FBLN1: variants seen among roughly 807,000 people sequenced by gnomAD.
FBLN1 encodes fibulin 1, also known as fibulin-1.
FBLN1 carries 34 observed loss-of-function variants against 89.7 expected under a neutral mutation model. The observed-to-expected ratio is 0.38, with a 90% CI of 0.29 to 0.50. FBLN1 has a LOEUF of 0.50. FBLN1 is among the 20% of genes least tolerant of loss of function. FBLN1 has a pLI of 0.92. For missense variants in FBLN1, 777 were observed against 988.1 expected (o/e 0.79, Z 2.86); for synonymous variants, 393 against 391.3 (o/e 1.00, Z -0.05).
At chr22:45,524,366 G>T (rs987384445) in intron 2 of FBLN1, among the ~76,000 whole-genome samples, 1 of 152,194 alleles carries the variant, frequency 6.6e-6, no homozygotes, top group Non-Finnish European at 1.5e-5. Context: ...ATTGCCTTTG[G>T]AGCCCGCCCA....
rs1458721804 is a variant in FBLN1, at chr22:45,600,439, G to A, written c.2105G>A (p.Trp702Ter). 2 of 1,614,028 alleles carry A rather than the reference G, an allele frequency of 1.2e-6. No individual in the cohort carries two copies. Among genetic ancestry groups the A allele is most frequent in the East Asian group, 2.2e-5 (1 of 44,896 alleles). ...GTCCACATCTTCGTCTCTGAGTACTGGTTCTGAGGGCTGGTCTGCCGCACA... is the reference window on the plus strand; with the variant it reads ...GTCCACATCTTCGTCTCTGAGTACTAGTTCTGAGGGCTGGTCTGCCGCACA... ...VNVHIFVSEY[W>*]F Residue 702 changes from tryptophan (W) to a stop codon, truncating the protein, a stop_gained, in exon 17 of 17, where the codon TGG (tryptophan) becomes TAG (stop). Transcript: ENST00000327858. LOFTEE classifies it high-confidence loss of function.
Position 45,562,646 on chromosome 22 carries a change from C to T in FBLN1, c.1698-11865C>T, listed in dbSNP as rs866254079. 3.3e-5 allele frequency among the ~76,000 whole-genome samples: 5 copies of T among 152,202 alleles called. No individual in the cohort carries two copies. Among genetic ancestry groups the T allele is most frequent in the African/African-American group, 9.6e-5 (4 of 41,458 alleles). ...TGGGGCTCTGCCAGTGAGCAGGGGA[C>T]GCACCTCACTCCGGGCACAGCCTTT... is the stretch of plus-strand genomic sequence containing the variant. On this transcript the variant is annotated intron_variant, in intron 14 of 16. Coordinates refer to ENST00000327858, the MANE Select transcript of FBLN1 (RefSeq NM_006486.3). The surrounding 1 kb of genome is among the most constrained non-coding windows in gnomAD (Gnocchi z 7.8).
At chr22:45,525,763 T>C (rs544700253) in intron 3 of FBLN1, 85 bp downstream of exon 3, 2 of 1,521,758 alleles carry the variant, frequency 1.3e-6, no homozygotes, top group African/African-American at 1.4e-5. Context: ...GCACTGTCTG[T>C]CAGCGCTCCC....
In FBLN1 at chr22:45,561,471, G is replaced by A. The variant is rs991555559; in HGVS notation, c.1697+10856G>A. Among the ~76,000 whole-genome samples, 2 of 152,194 alleles carry A rather than the reference G, an allele frequency of 1.3e-5. No individual in the cohort carries two copies. Among genetic ancestry groups the A allele is most frequent in the East Asian group, 1.9e-4 (1 of 5,196 alleles). ...GAGTCACTAAACTTGCCTCATGAGC[G>A]ATGAATCAGGAGTTTCAAATGCGTT... On this transcript the variant is annotated intron_variant, in intron 14 of 16. Coordinates refer to ENST00000327858, the MANE Select transcript of FBLN1 (RefSeq NM_006486.3). The surrounding 1 kb of genome is among the most constrained non-coding windows in gnomAD (Gnocchi z 4.7).
rs762644952 is a variant in FBLN1 at position 45,577,102 on chromosome 22, A to G, written c.1966A>G (p.Thr656Ala). Residue 656 changes from threonine to alanine, a missense_variant, in exon 16 of 17, where the codon ACC (threonine) becomes GCC (alanine). By Grantham distance (58) the Thr-to-Ala change is moderately conservative. Coordinates refer to ENST00000327858, the MANE Select transcript of FBLN1 (RefSeq NM_006486.3). This position sits in a 1 kb window ranked among gnomAD's most constrained non-coding sequence, Gnocchi z 6.6. Reference protein sequence around the residue: ...DIIKRYMDGMTVGVVRQVRPI... With the variant: ...DIIKRYMDGMAVGVVRQVRPI... ...CATCAAGCGTTACATGGACGGCATG[A>G]CCGTGGGTGAGTGGCTGGGAATATC... 5 of 1,613,876 alleles carry G rather than the reference A, an allele frequency of 3.1e-6. No homozygotes were observed. In the South Asian group the frequency reaches 4.4e-5, roughly 14 times the overall value.
At chr22:45,514,390 G>A (rs1277672232) in intron 1 of FBLN1, among the ~76,000 whole-genome samples, 1 of 152,202 alleles carries the variant, frequency 6.6e-6, no homozygotes, top group East Asian at 1.9e-4. Flanking sequence ...TTCCTCTAAT[G>A]GGTGGGAGGT....
Position 45,600,666 on chromosome 22 carries a change from T to C in FBLN1, c.*220T>C, listed in dbSNP as rs1920925763. ...TTGCTCAACTGTTTGGTTGAAAACC[T>C]TGCTCATTTTTTAATGCGAAGGCTA... On this transcript the variant is annotated 3_prime_UTR_variant, in exon 17 of 17. Transcript: ENST00000327858. 1.7e-6 allele frequency: 1 copy of C among 605,044 alleles called. No individual in the cohort carries two copies. Among genetic ancestry groups the C allele is most frequent in the East Asian group, 3.0e-5 (1 of 33,710 alleles). The allele number at this position is 605,044 out of a possible 1,614,324, so 37.5% of individuals were successfully genotyped here.
intron 6 of FBLN1, 21 bp from the exon 7 acceptor site, chr22:45,533,740 C>T: frequency 6.2e-7 from 1 of 1,608,710 alleles, no homozygotes; most frequent in South Asian, 1.1e-5. Flanking sequence ...GTCACCCCCG[C>T]ACTGCCTCGG....
chr22:45,592,030 G>C (rs1042713854), intron 16 of FBLN1, among the ~76,000 whole-genome samples: 1 of 151,880 alleles, frequency 6.6e-6, no homozygotes, highest in African/African-American at 2.4e-5. Context: ...CAGACAGGAG[G>C]AAGGAGATGT....
At chr22:45,566,390 G>C (rs893236378) in intron 14 of FBLN1, among the ~76,000 whole-genome samples, 1 of 152,212 alleles carries the variant, frequency 6.6e-6, no homozygotes, top group Non-Finnish European at 1.5e-5. Context: ...TGAGTGCACT[G>C]TGGGAGTGAC....
intron 3 of FBLN1, among the ~76,000 whole-genome samples, chr22:45,527,034 G>C (rs1465595667): frequency 2.0e-5 from 3 of 152,130 alleles, no homozygotes; most frequent in Non-Finnish European, 4.4e-5. Context: ...TGAGGTGACT[G>C]ATGCTCCCTA....
In FBLN1 at chr22:45,600,492, A is replaced by G; in HGVS notation, c.*46A>G. 6.2e-7 allele frequency: 1 copy of G among 1,612,318 alleles called. No homozygotes were observed. The highest frequency in any genetic ancestry group is 8.5e-7 in the Non-Finnish European group (1 of 1,178,438). The stretch of plus-strand genomic sequence containing the variant: ...CGCAGGTGCACCTCCAGGCCAAATC[A>G]TTGCTGCCAGTGACTGTGGTCTGTA... On this transcript the variant is annotated 3_prime_UTR_variant, in exon 17 of 17. Coordinates refer to ENST00000327858, the MANE Select transcript of FBLN1 (RefSeq NM_006486.3).
chr22:45,504,082 A>G (rs1389151686), intron 1 of FBLN1, among the ~76,000 whole-genome samples: 1 of 151,828 alleles, frequency 6.6e-6, no homozygotes, highest in Non-Finnish European at 1.5e-5. Context: ...GCCCTAGACC[A>G]CCCTCAGAAT....
In FBLN1 at chr22:45,574,688, C is replaced by G. The variant is rs757022201; in HGVS notation, c.1840+35C>G. The G allele has an allele frequency of 6.2e-7, 1 of 1,602,782 alleles. No homozygotes were observed. Among genetic ancestry groups the G allele is most frequent in the Admixed American group, 1.7e-5 (1 of 59,166 alleles). ...ATGGGTGTGGGGGTCCCAGGGCCCC[C>G]TAGGGCCTCCCTCGGCTTCAGCTGA... On this transcript the variant is annotated intron_variant, in intron 15 of 16. Coordinates refer to ENST00000327858, the MANE Select transcript of FBLN1 (RefSeq NM_006486.3). The surrounding 1 kb of genome is among the most constrained non-coding windows in gnomAD (Gnocchi z 4.1).
Position 45,575,081 on chromosome 22 carries a change from A to C in FBLN1, c.1840+428A>C, listed in dbSNP as rs2088984982. 6.6e-6 allele frequency among the ~76,000 whole-genome samples: 1 copy of C among 152,048 alleles called. No homozygotes were observed. Among genetic ancestry groups the C allele is most frequent in the Non-Finnish European group, 1.5e-5 (1 of 67,998 alleles). On this transcript the variant is annotated intron_variant, in intron 15 of 16. Coordinates refer to ENST00000327858, the MANE Select transcript of FBLN1 (RefSeq NM_006486.3). This position sits in a 1 kb window ranked among gnomAD's most constrained non-coding sequence, Gnocchi z 6.3. ...ACAGGCGTGAGCCACCGCGCCTGGCAACTTGACATGCAGAACTTTCTTTGT... is the reference window on the plus strand; with the variant it reads ...ACAGGCGTGAGCCACCGCGCCTGGCCACTTGACATGCAGAACTTTCTTTGT...
chr22:45,526,481 G>C (rs932691146), intron 3 of FBLN1, among the ~76,000 whole-genome samples: 5 of 152,236 alleles, frequency 3.3e-5, no homozygotes, highest in Admixed American at 6.5e-5. Flanking sequence ...GGAGGAGCTC[G>C]GGTTTGGAAG....
rs1480001735 is a variant in FBLN1, at chr22:45,578,852, C to G, written c.1972+1744C>G. ...TTCCGTTTCTGAACCCTTCTTGAGC[C>G]TCTACCTGTGCCTGACCCTGGGCTA... On this transcript the variant is annotated intron_variant, in intron 16 of 16. Coordinates refer to ENST00000327858, the MANE Select transcript of FBLN1 (RefSeq NM_006486.3). The surrounding 1 kb of genome is among the most constrained non-coding windows in gnomAD (Gnocchi z 4.6). Among the ~76,000 whole-genome samples the G allele has an allele frequency of 6.6e-6, 1 of 152,254 alleles. No homozygotes were observed. The highest frequency in any genetic ancestry group is 1.5e-5 in the Non-Finnish European group (1 of 68,048).
intron 2 of FBLN1, among the ~76,000 whole-genome samples, chr22:45,523,701 C>T (rs924989068): frequency 3.3e-5 from 5 of 152,162 alleles, no homozygotes; most frequent in African/African-American, 7.2e-5. Context: ...AAGACTCCAT[C>T]TCAAAAACAA....
Position 45,563,436 on chromosome 22 carries a change from C to A in FBLN1, c.1698-11075C>A. 7.0e-7 allele frequency: 1 copy of A among 1,431,104 alleles called. No individual in the cohort carries two copies. Among genetic ancestry groups the A allele is most frequent in the Non-Finnish European group, 9.3e-7 (1 of 1,069,900 alleles). 88.7% of individuals were successfully genotyped at this position (1,431,104 alleles called of 1,614,324 possible). A position where few individuals can be genotyped will look rare whatever the true frequency, so the allele number is the denominator to read the frequency against. On this transcript the variant is annotated intron_variant, in intron 14 of 16. Coordinates refer to ENST00000327858, the MANE Select transcript of FBLN1 (RefSeq NM_006486.3). This position sits in a 1 kb window ranked among gnomAD's most constrained non-coding sequence, Gnocchi z 5.7. Reference sequence around the variant, plus strand: ...TTGTTACCCGGGGGTGAGCTGGGCACTGGCCACCGCCTGGTACCCCCGAGG... The same window carrying A: ...TTGTTACCCGGGGGTGAGCTGGGCAATGGCCACCGCCTGGTACCCCCGAGG...
Sources: allele counts gnomAD v4.1 joint callset (sites outside exome capture counted in the v4.1 genomes callset), GRCh38; gene constraint gnomAD v4.1.1; non-coding constraint Gnocchi (gnomAD v3.1); transcripts MANE v1.5; gene names NCBI Gene and HGNC (gene_info 2026-07-23, HGNC 2026-07-21).